Variants in GBE1 observed in about 807,000 individuals in gnomAD.
GBE1 encodes 1,4-alpha-glucan-branching enzyme.
Under a neutral mutation model 88.8 loss-of-function variants are expected in GBE1, and 70 were observed. The observed-to-expected ratio is 0.79, with a 90% CI of 0.65 to 0.96. The LOEUF is 0.96. Ranked by LOEUF, GBE1 falls within the 40% of genes least tolerant of loss-of-function variation. GBE1 has a pLI of 0.00. For synonymous variants in GBE1, 284 were observed against 300.1 expected, an observed-to-expected ratio of 0.95 and a Z score of 0.56; for missense variants, 872 against 871.0, an observed-to-expected ratio of 1.00 and a Z score of -0.01.
At position 81,581,237 on chromosome 3, in the gene GBE1, G is replaced by A. The variant is rs781667161; in HGVS notation, c.1374C>T (p.Gly458=). ...KEFKDEDWNM[G]DIVYTLTNRR... ...TGTTTGTGAGCGTGTATACTATATC[G>A]CCCATGTTCCAGTCTTCATCTTTAA... The change falls in exon 11 of 16, where the codon GGC becomes GGT. Residue 458 remains glycine (G), a synonymous_variant. Coordinates refer to ENST00000429644, the MANE Select transcript of GBE1 (RefSeq NM_000158.4). 35 of 1,600,244 alleles carry A rather than the reference G, an allele frequency of 2.2e-5. No homozygotes were observed. The highest frequency in any genetic ancestry group is 1.7e-4 in the Middle Eastern group (1 of 6,026).
intron 12 of GBE1, among the ~76,000 whole-genome samples, chr3:81,576,876 A>G (rs998967873): frequency 2.0e-5 from 3 of 152,156 alleles, no homozygotes; most frequent in African/African-American, 7.2e-5. Context: ...TAAAAAATAA[A>G]GGCTTTTAAA....
chr3:81,729,168 T>C (rs868442735), intron 1 of GBE1, among the ~76,000 whole-genome samples: 1 of 152,068 alleles, frequency 6.6e-6, no homozygotes, highest in South Asian at 2.1e-4. Flanking sequence ...AAAATGGAAA[T>C]AGTATATACA....
intron 1 of GBE1, among the ~76,000 whole-genome samples, chr3:81,722,917 C>CAT (rs1252491639): frequency 1.8e-5 from 2 of 113,616 alleles, no homozygotes; most frequent in East Asian, 2.3e-4. Flanking sequence ...TATATATATA[C>CAT]ACACAAGTAA....
In GBE1 at chr3:81,620,203, G is replaced by A. The variant is rs553543719; in HGVS notation, c.992+22578C>T. Among the ~76,000 whole-genome samples, 8 of 145,674 alleles carry A rather than the reference G, an allele frequency of 5.5e-5. No homozygotes were observed. The East Asian group carries it at 1.6e-3, about 29-fold the overall frequency. ...GGAAATAATTTTTTTTTTTTTTTGA[G>A]ATGGAGTCTCGCACTGTCATCTAGG... On this transcript the variant is annotated intron_variant, in intron 7 of 15. Coordinates refer to ENST00000429644, the MANE Select transcript of GBE1 (RefSeq NM_000158.4).
chr3:81,552,381 G>A (rs767988964), intron 12 of GBE1, among the ~76,000 whole-genome samples: 3 of 152,006 alleles, frequency 2.0e-5, no homozygotes, highest in South Asian at 2.1e-4. Flanking sequence ...AGCTGAGCGC[G>A]TGGCAGGCAC....
At chr3:81,734,046 T>A (rs1249981991) in intron 1 of GBE1, among the ~76,000 whole-genome samples, 1 of 152,204 alleles carries the variant, frequency 6.6e-6, no homozygotes, top group Non-Finnish European at 1.5e-5. Context: ...TTAGGTATAA[T>A]CAATCATAAA....
rs1039751334 is a variant in GBE1 at position 81,529,175 on chromosome 3, T to G, written c.1934+6020A>C. ...GCAAGTAACATCATATAATCCACTA[T>G]TTTAAACTGATGACAACTTAACTAT... On this transcript the variant is annotated intron_variant, in intron 14 of 15. Coordinates refer to ENST00000429644, the MANE Select transcript of GBE1 (RefSeq NM_000158.4). 2.6e-5 allele frequency among the ~76,000 whole-genome samples: 4 copies of G among 152,098 alleles called. No individual in the cohort carries two copies. In the East Asian group the frequency reaches 7.7e-4, roughly 29 times the overall value.
At chr3:81,720,886 T>C (rs1475274162) in intron 1 of GBE1, among the ~76,000 whole-genome samples, 4 of 143,620 alleles carry the variant, frequency 2.8e-5, no homozygotes, top group Non-Finnish European at 6.0e-5. Flanking sequence ...AAATGATGAG[T>C]TCATATCCTT....
intron 14 of GBE1, among the ~76,000 whole-genome samples, 184 bp from the exon 15 acceptor site, chr3:81,499,411 A>T (rs556850269): frequency 6.6e-5 from 10 of 152,116 alleles, no homozygotes; most frequent in African/African-American, 2.2e-4. Context: ...TACTGCACAC[A>T]CTCATGAGAT....
intron 2 of GBE1, among the ~76,000 whole-genome samples, chr3:81,704,917 GA>G (rs953158934): frequency 1.3e-5 from 2 of 152,100 alleles, no homozygotes; most frequent in South Asian, 2.1e-4. Context: ...TGACAATGCT[GA>G]CAAGATATTT....
intron 14 of GBE1, among the ~76,000 whole-genome samples, chr3:81,520,987 A>G (rs572758648): frequency 2.6e-5 from 4 of 151,668 alleles, no homozygotes; most frequent in African/African-American, 7.2e-5. Context: ...CAGTTTTCCA[A>G]ACGTATTCTC....
At chr3:81,693,880 GTAAC>G (rs979295737) in intron 2 of GBE1, among the ~76,000 whole-genome samples, 14 of 151,964 alleles carry the variant, frequency 9.2e-5, no homozygotes, top group Non-Finnish European at 1.9e-4. Context: ...ATCATATTCT[GTAAC>G]TACAGAAAAA....
intron 7 of GBE1, among the ~76,000 whole-genome samples, chr3:81,599,675 T>A (rs1704006720): frequency 6.6e-6 from 1 of 152,190 alleles, no homozygotes; most frequent in Non-Finnish European, 1.5e-5. Context: ...TGTTAAAATG[T>A]CATGTGGTAC....
At chr3:81,731,486 TCCTTAGA>T (rs1206703826) in intron 1 of GBE1, among the ~76,000 whole-genome samples, 1 of 152,154 alleles carries the variant, frequency 6.6e-6, no homozygotes, top group African/African-American at 2.4e-5. Flanking sequence ...AAATTAATAC[TCCTTAGA>T]TGATAACATT....
intron 2 of GBE1, among the ~76,000 whole-genome samples, chr3:81,673,934 C>A (rs1487843036): frequency 6.6e-6 from 1 of 151,742 alleles, no homozygotes; most frequent in Non-Finnish European, 1.5e-5. Context: ...TTTACCCCCA[C>A]CCAAAAAAAT....
chr3:81,550,444 A>T (rs1342724913), intron 12 of GBE1, among the ~76,000 whole-genome samples: 1 of 151,410 alleles, frequency 6.6e-6, no homozygotes, highest in Non-Finnish European at 1.5e-5. Flanking sequence ...ATAACCTTTA[A>T]GAGTTCTCTT....
At chr3:81,746,690 A>G (rs913823496) in intron 1 of GBE1, among the ~76,000 whole-genome samples, 2 of 152,358 alleles carry the variant, frequency 1.3e-5, no homozygotes, top group Middle Eastern at 3.4e-3. Flanking sequence ...AAATATTTGG[A>G]ATATAAATCA....
chr3:81,691,099 CT>C (rs1453696882), intron 2 of GBE1, among the ~76,000 whole-genome samples: 1 of 152,172 alleles, frequency 6.6e-6, no homozygotes, highest in African/African-American at 2.4e-5. Context: ...GATAATCCAT[CT>C]GCTTGCAACA....
In GBE1 at chr3:81,562,480, A is replaced by ATTC. The variant is rs1576150105; in HGVS notation, c.1618+15442_1618+15444dup. Among the ~76,000 whole-genome samples, 4 of 152,212 alleles carry ATTC rather than the reference A, an allele frequency of 2.6e-5. No homozygotes were observed. In the East Asian group the frequency reaches 7.7e-4, roughly 29 times the overall value. On this transcript the variant is annotated intron_variant, in intron 12 of 15. Transcript: ENST00000429644. ...TTGGAGACAGACCAGCTGGGTTCAA[A>ATTC]TTCTGGCTCCTTTATAAATCTGAAA... is the stretch of plus-strand genomic sequence containing the variant.
Sources: gnomAD v4.1 joint callset for allele counts (sites outside exome capture counted in the v4.1 genomes callset) on GRCh38, gnomAD v4.1.1 for gene constraint, MANE v1.5 for transcripts, NCBI Gene and HGNC (gene_info 2026-07-23, HGNC 2026-07-21) for gene names.